AKAP9: variants seen among roughly 807,000 people sequenced by gnomAD.
The protein encoded by AKAP9 is A-kinase anchoring protein 9.
Under a neutral mutation model 488.5 loss-of-function variants are expected in AKAP9, and 311 were observed. The observed-to-expected ratio is 0.64, with a 90% CI of 0.58 to 0.70. AKAP9 has a LOEUF of 0.70. Ranked by LOEUF, AKAP9 falls within the 30% of genes least tolerant of loss-of-function variation. AKAP9 has a pLI of 0.00. For synonymous variants in AKAP9, 1,462 were observed against 1,483.5 expected, an observed-to-expected ratio of 0.99 and a Z score of 0.33; for missense variants, 4,215 against 4,374.5, an observed-to-expected ratio of 0.96 and a Z score of 1.03.
chr7:92,010,160 G>A (rs1293100140), intron 8 of AKAP9, among the ~76,000 whole-genome samples: 1 of 152,200 alleles, frequency 6.6e-6, no homozygotes, highest in East Asian at 1.9e-4. Flanking sequence ...AAAGTTATAG[G>A]AAATAGACAC....
intron 14 of AKAP9, among the ~76,000 whole-genome samples, chr7:92,024,439 G>GTATA (rs60256828): frequency 0.26 from 37,994 of 146,928 alleles, 6,119 homozygotes; most frequent in Non-Finnish European, 0.36. Context: ...ATGTGTGTGT[G>GTATA]TATATATATA....
In AKAP9 at chr7:92,001,776, C is replaced by A. The variant is rs774013935; in HGVS notation, c.1859C>A (p.Ala620Asp). 21 of 1,613,270 alleles carry A rather than the reference C, an allele frequency of 1.3e-5. No homozygotes were observed. In the Admixed American group the frequency reaches 3.3e-4, roughly 26 times the overall value. The change falls in exon 8 of 50, where the codon GCT becomes GAT. Residue 620 changes from alanine (A) to aspartate (D), a missense_variant. By Grantham distance (126) the Ala-to-Asp change is moderately radical. Around this residue, in one of 5 missense-constraint regions of AKAP9, gnomAD observed 2,361 missense variants for 2,430.0 expected, o/e 0.97. Coordinates refer to ENST00000356239, the MANE Select transcript of AKAP9 (RefSeq NM_005751.5). ...VLDRMAESQE[A>D]ELERLRTQLL... ...GACAGAATGGCTGAATCACAAGAAG[C>A]TGAATTAGAGAGGCTGAGAACACAG...
intron 16 of AKAP9, 77 bp downstream of exon 16, chr7:92,031,681 C>T (rs1026442813): frequency 4.3e-5 from 48 of 1,109,422 alleles, no homozygotes; most frequent in Non-Finnish European, 6.2e-5. Flanking sequence ...TAGATTTTAT[C>T]GATGGTATGT....
At chr7:92,081,671 T>G (rs1813613041) in intron 31 of AKAP9, among the ~76,000 whole-genome samples, 1 of 151,748 alleles carries the variant, frequency 6.6e-6, no homozygotes. Context: ...ATTTCATCTG[T>G]TTTAAGTAAA....
chr7:92,020,836 G>T (rs1802219881), intron 12 of AKAP9, among the ~76,000 whole-genome samples: 1 of 152,184 alleles, frequency 6.6e-6, no homozygotes. Context: ...TACTCATGGG[G>T]TAGGAATTGG....
At chr7:92,015,291 C>T (rs910730284) in intron 10 of AKAP9, among the ~76,000 whole-genome samples, 9 of 151,766 alleles carry the variant, frequency 5.9e-5, no homozygotes, top group Non-Finnish European at 1.0e-4. Flanking sequence ...GGAGAAGAAC[C>T]GGAACAACGC....
rs544947238 is a variant in AKAP9 at position 92,050,879 on chromosome 7, T to C, written c.5369-1847T>C. Among the ~76,000 whole-genome samples the C allele has an allele frequency of 2.0e-5, 3 of 152,324 alleles. No individual in the cohort carries two copies. The East Asian group carries it at 5.8e-4, about 29-fold the overall frequency. The stretch of plus-strand genomic sequence containing the variant: ...TTAGTATTTTTCTTAATGATTTCTC[T>C]GTCACCTAAGAATCATCTAAGCTGG... On this transcript the variant is annotated intron_variant, in intron 21 of 49. Transcript: ENST00000356239.
At chr7:92,105,811 A>G in intron 47 of AKAP9, 48 bp downstream of exon 47, 1 of 1,493,720 alleles carries the variant, frequency 6.7e-7, no homozygotes, top group Non-Finnish European at 9.3e-7. Context: ...TCTCTAAATC[A>G]GAGGTCCCCC....
chr7:92,076,822 AT>A, intron 28 of AKAP9, 32 bp from the exon 29 acceptor site: 1 of 1,295,150 alleles, frequency 7.7e-7, no homozygotes, highest in South Asian at 1.4e-5. Context: ...TTGTATAAAC[AT>A]TTTTTCTCTT....
At chr7:92,039,798 A>G (rs1435815416) in intron 17 of AKAP9, among the ~76,000 whole-genome samples, 2 of 152,122 alleles carry the variant, frequency 1.3e-5, no homozygotes, top group African/African-American at 4.8e-5. Flanking sequence ...AACATGGTAA[A>G]ACCCCCTCTC....
rs1818905644 is a variant in AKAP9 at position 92,108,627 on chromosome 7, C to T, written c.11680C>T (p.Gln3894Ter). 6.2e-7 allele frequency: 1 copy of T among 1,614,182 alleles called. No individual in the cohort carries two copies. The highest frequency in any genetic ancestry group is 8.5e-7 in the Non-Finnish European group (1 of 1,180,030). The change falls in exon 49 of 50, where the codon CAG becomes TAG. Residue 3894 changes from glutamine to a stop codon, truncating the protein, a stop_gained. Transcript: ENST00000356239. LOFTEE classifies it high-confidence loss of function. ...ACTGCAAAGACGACTTGGAACTATA[C>T]AGTCAGGTGCTCTGAGTTTAACCAC... The part of the protein sequence containing the change: ...EALQRRLGTI[Q>*]SGSTTQFHAG...
chr7:92,000,346 G>A (rs976028029), intron 7 of AKAP9, among the ~76,000 whole-genome samples: 7 of 152,148 alleles, frequency 4.6e-5, no homozygotes, highest in Admixed American at 3.3e-4. Context: ...AAGACAGACC[G>A]TTAGGAGTCT....
At chr7:91,947,091 A>G (rs1791538736) in intron 1 of AKAP9, among the ~76,000 whole-genome samples, 1 of 152,134 alleles carries the variant, frequency 6.6e-6, no homozygotes, top group South Asian at 2.1e-4. Context: ...ATCCATTTAA[A>G]AACTATAATT....
chr7:92,100,076 CG>C, intron 44 of AKAP9: 1 of 496,754 alleles, frequency 2.0e-6, no homozygotes, highest in South Asian at 2.1e-5. Flanking sequence ...TCTCTGTACT[CG>C]ACTCTGGGTT....
intron 46 of AKAP9, among the ~76,000 whole-genome samples, chr7:92,105,027 T>C (rs1340193490): frequency 6.6e-6 from 1 of 152,150 alleles, no homozygotes; most frequent in Non-Finnish European, 1.5e-5. Context: ...TGCCCCACTT[T>C]TTCTTATCCA....
chr7:92,080,973 T>G (rs1042648247), intron 31 of AKAP9, among the ~76,000 whole-genome samples: 3 of 152,182 alleles, frequency 2.0e-5, no homozygotes, highest in African/African-American at 7.2e-5. Flanking sequence ...AAATTTAACT[T>G]AACACTGTGT....
chr7:91,952,847 T>G (rs1364964582), intron 1 of AKAP9, among the ~76,000 whole-genome samples: 1 of 152,034 alleles, frequency 6.6e-6, no homozygotes, highest in Non-Finnish European at 1.5e-5. Flanking sequence ...AGAGGCAGAG[T>G]CTCACTCTTT....
At chr7:92,049,064 A>T (rs1807478742) in intron 21 of AKAP9, among the ~76,000 whole-genome samples, 1 of 152,170 alleles carries the variant, frequency 6.6e-6, no homozygotes, top group Non-Finnish European at 1.5e-5. Context: ...CACATTGCCT[A>T]TCCCACTTAA....
chr7:92,082,140 G>T (rs765995619), intron 31 of AKAP9, among the ~76,000 whole-genome samples: 2 of 151,930 alleles, frequency 1.3e-5, no homozygotes, highest in Non-Finnish European at 2.9e-5. Flanking sequence ...TCGCCACGTT[G>T]CCCAGACTGG....
Sources: gnomAD v4.1 joint callset for allele counts (sites outside exome capture counted in the v4.1 genomes callset) on GRCh38, gnomAD v4.1.1 for gene constraint, gnomAD v4.1.1 regional missense constraint, MANE v1.5 for transcripts, NCBI Gene and HGNC (gene_info 2026-07-23, HGNC 2026-07-21) for gene names.